USH2A: variants seen among roughly 807,000 people sequenced by gnomAD.
USH2A encodes usherin.
Under a neutral mutation model 538.9 loss-of-function variants are expected in USH2A, and 443 were observed. That is an observed-to-expected ratio of 0.82 (90% CI 0.76 to 0.89). The LOEUF (loss-of-function observed/expected upper bound fraction) is 0.89, where lower values mean the gene tolerates loss of function less well. Ranked by LOEUF, USH2A falls within the 40% of genes least tolerant of loss-of-function variation. The pLI is 0.00. For synonymous variants in USH2A, 2,413 were observed against 2,273.5 expected (o/e 1.06, Z -1.75); for missense variants, 6,633 against 6,324.8 (o/e 1.05, Z -1.65).
At chr1:216,166,719 G>GTAGATGGTA (rs2034175906) in intron 21 of USH2A, among the ~76,000 whole-genome samples, 1 of 152,142 alleles carries the variant, frequency 6.6e-6, no homozygotes, top group Non-Finnish European at 1.5e-5. Flanking sequence ...GATATTCACT[G>GTAGATGGTA]TAGATGGTAC....
At chr1:216,082,846 T>G (rs1272759381) in intron 26 of USH2A, among the ~76,000 whole-genome samples, 1 of 152,032 alleles carries the variant, frequency 6.6e-6, no homozygotes, top group African/African-American at 2.4e-5. Flanking sequence ...AGAAACAATG[T>G]TGAGTGCTAA....
chr1:216,040,035 T>C (rs2030196127), intron 32 of USH2A, among the ~76,000 whole-genome samples: 1 of 139,226 alleles, frequency 7.2e-6, no homozygotes, highest in African/African-American at 2.9e-5. Context: ...TCTTTATTTT[T>C]CTGTCTCTCA....
chr1:215,706,545 A>G (rs967045446), intron 61 of USH2A, among the ~76,000 whole-genome samples: 3 of 152,180 alleles, frequency 2.0e-5, no homozygotes, highest in African/African-American at 7.2e-5. Flanking sequence ...AACTTCCACA[A>G]TTCACTTGTA....
chr1:216,295,348 A>G (rs2037083742), intron 9 of USH2A, among the ~76,000 whole-genome samples: 1 of 151,886 alleles, frequency 6.6e-6, no homozygotes, highest in Non-Finnish European at 1.5e-5. Context: ...CATCATTAAT[A>G]GTAAATAAAG....
chr1:216,250,880 G>A (rs757207972), intron 12 of USH2A, 23 bp downstream of exon 12: 1 of 1,611,932 alleles, frequency 6.2e-7, no homozygotes, highest in African/African-American at 1.3e-5. Flanking sequence ...AGATGTGACT[G>A]TAAACTTTTG....
intron 60 of USH2A, among the ~76,000 whole-genome samples, chr1:215,738,945 C>T (rs1660228106): frequency 6.6e-6 from 1 of 152,062 alleles, no homozygotes; most frequent in Non-Finnish European, 1.5e-5. Flanking sequence ...CTATTTCTGT[C>T]CTTACAAATT....
Position 216,289,265 on chromosome 1 carries a change from C to T in USH2A, c.1971+15G>A. 1.2e-6 allele frequency: 2 copies of T among 1,613,652 alleles called. No individual in the cohort carries two copies. The highest frequency in any genetic ancestry group is 1.7e-6 in the Non-Finnish European group (2 of 1,179,666). On this transcript the variant is annotated intron_variant, in intron 11 of 71. Coordinates refer to ENST00000307340, the MANE Select transcript of USH2A (RefSeq NM_206933.4). ...ACAGAGTAATCCTTTACCTTAAATA[C>T]TCAGAAAAACTCACCTGATCACAAA...
At chr1:216,335,829 C>G (rs948418950) in intron 4 of USH2A, among the ~76,000 whole-genome samples, 1 of 151,428 alleles carries the variant, frequency 6.6e-6, no homozygotes, top group African/African-American at 2.4e-5. Context: ...CTTTCATTGG[C>G]GAATTCTACC....
chr1:215,954,537 G>C (rs1407503623), intron 37 of USH2A, among the ~76,000 whole-genome samples: 1 of 133,780 alleles, frequency 7.5e-6, no homozygotes, highest in Non-Finnish European at 1.6e-5. Context: ...ACACAGGAAG[G>C]GGAACATCAC....
chr1:215,974,778 G>T (rs1269804282), intron 35 of USH2A, among the ~76,000 whole-genome samples: 1 of 152,046 alleles, frequency 6.6e-6, no homozygotes, highest in East Asian at 1.9e-4. Flanking sequence ...CTTTGCTCTT[G>T]TGACTAGTAC....
intron 21 of USH2A, among the ~76,000 whole-genome samples, chr1:216,104,518 A>G (rs1384517967): frequency 1.3e-5 from 2 of 152,182 alleles, no homozygotes; most frequent in East Asian, 1.9e-4. Context: ...ATAATGCCAC[A>G]TATGTACAAC....
chr1:215,976,194 C>T (rs1044539357), intron 35 of USH2A, among the ~76,000 whole-genome samples: 7 of 152,170 alleles, frequency 4.6e-5, no homozygotes, highest in African/African-American at 1.7e-4. Flanking sequence ...TGTTGTTTGT[C>T]AGTTCCAGGA....
At chr1:216,046,694 T>C (rs930785316) in intron 31 of USH2A, 102 bp from the exon 32 acceptor site, 2 of 1,383,450 alleles carry the variant, frequency 1.4e-6, no homozygotes, top group East Asian at 2.4e-5. Context: ...TGAAATCCCA[T>C]GCATGGAAAT....
At chr1:216,050,595 TCTTTCTTTC>T (rs1436732522) in intron 30 of USH2A, among the ~76,000 whole-genome samples, 2 of 89,340 alleles carry the variant, frequency 2.2e-5, no homozygotes, top group African/African-American at 9.7e-5. Flanking sequence ...TTTCTTTCTT[TCTTTCTTTC>T]TTTTTTTTTT....
chr1:216,325,242 G>T (rs2037705609), intron 6 of USH2A, 63 bp downstream of exon 6: 2 of 1,549,614 alleles, frequency 1.3e-6, no homozygotes, highest in Admixed American at 1.7e-5. Flanking sequence ...AAGACATGAA[G>T]TTTGTGGGCA....
chr1:216,125,965 A>T (rs2033243807), intron 21 of USH2A, among the ~76,000 whole-genome samples: 1 of 152,238 alleles, frequency 6.6e-6, no homozygotes, highest in African/African-American at 2.4e-5. Context: ...TTCAAAGAGC[A>T]TATGATGTGT....
In USH2A at chr1:216,221,393, A is replaced by G. The variant is rs182305863; in HGVS notation, c.2994-3843T>C. 4.2e-3 allele frequency among the ~76,000 whole-genome samples: 636 copies of G among 152,310 alleles called. 1 individual carries two copies. The highest frequency in any genetic ancestry group is 4.9e-3 in the Non-Finnish European group (330 of 68,024). ...CGATTAACAGAGGAGCTGTGGTTTC[A>G]TTGAGCTTCTTAGTTTCGCTTTAGT... is the stretch of plus-strand genomic sequence containing the variant. On this transcript the variant is annotated intron_variant, in intron 14 of 71. Transcript: ENST00000307340.
intron 4 of USH2A, among the ~76,000 whole-genome samples, chr1:216,331,548 A>G (rs1445653265): frequency 6.6e-6 from 1 of 152,140 alleles, no homozygotes; most frequent in Non-Finnish European, 1.5e-5. Context: ...CACAACAATC[A>G]GAAGGAAAGA....
intron 8 of USH2A, 128 bp from the exon 9 acceptor site, chr1:216,322,104 A>G (rs1159244294): frequency 2.2e-6 from 2 of 898,176 alleles, no homozygotes; most frequent in African/African-American, 3.3e-5. Flanking sequence ...TTGATACAAA[A>G]TCAGTTTCTC....
Sources: allele counts gnomAD v4.1 joint callset (sites outside exome capture counted in the v4.1 genomes callset), GRCh38; gene constraint gnomAD v4.1.1; transcripts MANE v1.5; gene names NCBI Gene and HGNC (gene_info 2026-07-23, HGNC 2026-07-21).